ARHGAP29: variants seen among roughly 807,000 people sequenced by gnomAD.
The protein encoded by ARHGAP29 is rho GTPase-activating protein 29.
ARHGAP29 carries 43 observed loss-of-function variants against 122.6 expected under a neutral mutation model. That is an observed-to-expected ratio of 0.35 (90% confidence interval 0.27 to 0.45). The LOEUF (loss-of-function observed/expected upper bound fraction) is 0.45, where lower values mean the gene tolerates loss of function less well. Ranked by LOEUF, ARHGAP29 falls within the 20% of genes least tolerant of loss-of-function variation. The pLI is 1.00. For synonymous variants in ARHGAP29, 506 were observed against 497.1 expected (o/e 1.02, Z -0.24); for missense variants, 1,303 against 1,477.2 (o/e 0.88, Z 1.93).
At chr1:94,227,036 T>C (rs931221238) in intron 2 of ARHGAP29, among the ~76,000 whole-genome samples, 2 of 151,910 alleles carry the variant, frequency 1.3e-5, no homozygotes, top group African/African-American at 4.8e-5. Context: ...AGAACTGAGT[T>C]AATCCACAAG....
intron 4 of ARHGAP29, 101 bp downstream of exon 4, chr1:94,209,153 C>A (rs1162985665): frequency 5.4e-6 from 5 of 921,918 alleles, no homozygotes. Flanking sequence ...ATATTTAATA[C>A]CATTTAATAC....
Position 94,204,130 on chromosome 1 carries a change from A to G in ARHGAP29, c.698-136T>C, listed in dbSNP as rs1168114365. 7.6e-6 allele frequency: 4 copies of G among 526,564 alleles called. 1 individual carries two copies. In the South Asian group the frequency reaches 1.7e-4, roughly 23 times the overall value. The allele number at this position is 526,564 out of a possible 1,614,324, so 32.6% of individuals were successfully genotyped here. Reference sequence around the variant, plus strand: ...GTGTGTATCAAGATATAATACAGCAATACTTCTTTCTTCCTTTTTTTTTTT... The same window carrying G: ...GTGTGTATCAAGATATAATACAGCAGTACTTCTTTCTTCCTTTTTTTTTTT... On this transcript the variant is annotated intron_variant, in intron 7 of 22. Transcript: ENST00000260526.
At chr1:94,302,767 A>C in the ARHGAP29 span, 1 of 310,034 alleles carries the variant, frequency 3.2e-6, no homozygotes, top group Non-Finnish European at 6.3e-6. Flanking sequence ...TGCTCTCTGG[A>C]GAAACCAGCC....
intron 1 of ARHGAP29, among the ~76,000 whole-genome samples, chr1:94,273,207 G>C (rs1463261835): frequency 6.6e-6 from 1 of 152,152 alleles, no homozygotes; most frequent in African/African-American, 2.4e-5. Context: ...AATACTAAAG[G>C]CAAAACTGTA....
intron 19 of ARHGAP29, among the ~76,000 whole-genome samples, chr1:94,183,811 G>C (rs1358770582): frequency 1.3e-5 from 2 of 152,104 alleles, no homozygotes; most frequent in Non-Finnish European, 2.9e-5. Flanking sequence ...TAAATAGCAA[G>C]TATTAAAACT....
At chr1:94,281,834 A>T in the ARHGAP29 span, among the ~76,000 whole-genome samples, 1 of 152,072 alleles carries the variant, frequency 6.6e-6, no homozygotes, top group Non-Finnish European at 1.5e-5. Flanking sequence ...ATTGCTGGGG[A>T]ATATTTTTTT....
upstream of ARHGAP29, chr1:94,237,717 C>A: frequency 5.1e-6 from 5 of 985,396 alleles, no homozygotes; most frequent in Non-Finnish European, 6.0e-6. Flanking sequence ...CGGGAGGCAA[C>A]TAGCTCGCGC....
intron 22 of ARHGAP29, chr1:94,176,951 C>T (rs890530871): frequency 3.3e-5 from 5 of 150,568 alleles, no homozygotes; most frequent in African/African-American, 1.2e-4. Context: ...CTTGATTACA[C>T]ATTAAATTTA....
At chr1:94,293,904 C>T in the ARHGAP29 span, among the ~76,000 whole-genome samples, 5 of 152,108 alleles carry the variant, frequency 3.3e-5, no homozygotes, top group Non-Finnish European at 5.9e-5. Flanking sequence ...ATCTTCAGCC[C>T]CTCTCCCCTC....
chr1:94,186,893 G>A (rs563702977), intron 15 of ARHGAP29, among the ~76,000 whole-genome samples: 1 of 152,140 alleles, frequency 6.6e-6, no homozygotes, highest in Non-Finnish European at 1.5e-5. Context: ...AACTCCACAA[G>A]TATAGCTGAT....
rs200443055 is a variant in ARHGAP29, at chr1:94,260,509, T to TG, written c.-33+14502dup. ...TCCAAGAGCAGCTCGTCTGTAGGCC[T>TG]GTCAGTGTTCTATGGAGTAATCTGG... is the stretch of plus-strand genomic sequence containing the variant. On this transcript the variant is annotated intron_variant and NMD_transcript_variant, in intron 1 of 25. Coordinates refer to the ARHGAP29 transcript ENST00000552844. Among the ~76,000 whole-genome samples the TG allele has an allele frequency of 3.6e-3, 549 of 152,332 alleles. 16 individuals carry two copies. The highest frequency in any genetic ancestry group is 0.032 in the Admixed American group (484 of 15,304).
chr1:94,200,963 A>C (rs1448378650), intron 12 of ARHGAP29, among the ~76,000 whole-genome samples: 1 of 152,214 alleles, frequency 6.6e-6, no homozygotes, highest in Non-Finnish European at 1.5e-5. Context: ...TTGTGGCAGT[A>C]CTTACACAAA....
At chr1:94,230,986 T>A (rs989833189) in intron 2 of ARHGAP29, among the ~76,000 whole-genome samples, 25 of 152,014 alleles carry the variant, frequency 1.6e-4, no homozygotes, top group African/African-American at 6.0e-4. Flanking sequence ...TCATTTTAGA[T>A]ACCAAAACTT....
At chr1:94,313,257 A>G in the ARHGAP29 span, among the ~76,000 whole-genome samples, 4 of 152,202 alleles carry the variant, frequency 2.6e-5, no homozygotes, top group East Asian at 1.9e-4. Context: ...ATCCATCCAC[A>G]TGGCTTGCTT....
chr1:94,236,206 CA>C (rs757144766), intron 1 of ARHGAP29, among the ~76,000 whole-genome samples: 132 of 152,172 alleles, frequency 8.7e-4, no homozygotes, highest in Non-Finnish European at 1.7e-3. Context: ...ACTATGCAAA[CA>C]ATTTTTAAAG....
intron 18 of ARHGAP29, among the ~76,000 whole-genome samples, chr1:94,184,615 GT>G: frequency 6.6e-6 from 1 of 151,550 alleles, no homozygotes; most frequent in African/African-American, 2.4e-5. Context: ...TTAGCCAGGC[GT>G]GGTAGCGCGT....
chr1:94,282,287 AT>A, the ARHGAP29 span, among the ~76,000 whole-genome samples: 2 of 148,386 alleles, frequency 1.3e-5, no homozygotes, highest in Non-Finnish European at 1.5e-5. Flanking sequence ...TTATTTATTT[AT>A]TTATTTATTT....
rs79827181 is a variant in ARHGAP29, at chr1:94,174,373, A to G, written c.3282T>C (p.Thr1094=). 584 of 1,614,132 alleles carry G rather than the reference A, an allele frequency of 3.6e-4. 5 individuals are homozygous for G. The African/African-American group carries it at 6.5e-3, about 18-fold the overall frequency. ...GGAGTGCACTGGGCATGATCATTGT[A>G]GTCTTGGCAGTTAGGCTGTTTTGTT... ...QYEQNSLTAK[T]TMIMPSALQE... The change falls in exon 23 of 23, where the codon ACT becomes ACC. Residue 1094 remains threonine, a synonymous_variant. Transcript: ENST00000260526.
At chr1:94,295,152 A>C in the ARHGAP29 span, among the ~76,000 whole-genome samples, 76 of 152,336 alleles carry the variant, frequency 5.0e-4, 1 homozygote, top group African/African-American at 2.4e-5. Flanking sequence ...TAAGGCTGGA[A>C]ATCTTAAAAG....
Sources: allele counts gnomAD v4.1 joint callset (sites outside exome capture counted in the v4.1 genomes callset), GRCh38; gene constraint gnomAD v4.1.1; transcripts MANE v1.5; gene names NCBI Gene and HGNC (gene_info 2026-07-23, HGNC 2026-07-21).